The following VGLL4 variants were observed in gnomAD, a reference collection of about 807,000 sequenced individuals.
VGLL4 encodes the protein transcription cofactor vestigial-like protein 4.
Under a neutral mutation model 21.0 loss-of-function variants are expected in VGLL4, and 7 were observed. The ratio of observed to expected loss-of-function variants is 0.33; its 90% CI spans 0.19 to 0.63. VGLL4 has a LOEUF of 0.63. Ranked by LOEUF, VGLL4 falls within the 20% of genes least tolerant of loss-of-function variation. The pLI, the probability that VGLL4 is intolerant of heterozygous loss-of-function variation, is 0.78. For synonymous variants in VGLL4, 222 were observed against 173.2 expected, an observed-to-expected ratio of 1.28 and a Z score of -2.21; for missense variants, 394 against 425.7, an observed-to-expected ratio of 0.93 and a Z score of 0.66.
At chr3:11,623,898 G>A (rs552549590) in intron 1 of VGLL4, among the ~76,000 whole-genome samples, 3 of 151,482 alleles carry the variant, frequency 2.0e-5, no homozygotes, top group South Asian at 4.2e-4. Context: ...CCTCCACCAC[G>A]CTTGGTTAAT....
At chr3:11,674,840 G>T (rs1209179742) in intron 2 of VGLL4, among the ~76,000 whole-genome samples, 1 of 152,022 alleles carries the variant, frequency 6.6e-6, no homozygotes, top group African/African-American at 2.4e-5. Context: ...GGAGAAGAAA[G>T]TAATAAGGGG....
intron 1 of VGLL4, among the ~76,000 whole-genome samples, chr3:11,608,989 G>A (rs905255323): frequency 7.2e-5 from 11 of 152,096 alleles, no homozygotes; most frequent in Non-Finnish European, 1.5e-4. Flanking sequence ...AGCCTCCCGA[G>A]TGTAGCCGGG....
chr3:11,691,983 G>GAAAAA (rs36035876), intron 2 of VGLL4, among the ~76,000 whole-genome samples: 1 of 105,684 alleles, frequency 9.5e-6, no homozygotes, highest in Non-Finnish European at 1.8e-5. Flanking sequence ...TGCACCAAAT[G>GAAAAA]AAAAAAAAAA....
chr3:11,656,253 A>G (rs1166049964), intron 2 of VGLL4, among the ~76,000 whole-genome samples: 2 of 152,190 alleles, frequency 1.3e-5, no homozygotes, highest in African/African-American at 4.8e-5. Context: ...CTTCCCAAAT[A>G]TTAAAGTCCA....
At chr3:11,628,328 C>T (rs372880058) in intron 1 of VGLL4, among the ~76,000 whole-genome samples, 3 of 150,854 alleles carry the variant, frequency 2.0e-5, no homozygotes, top group South Asian at 2.1e-4. Flanking sequence ...GCAGAGGTTG[C>T]GGTAAACCGA....
intron 2 of VGLL4, among the ~76,000 whole-genome samples, chr3:11,656,037 TGAAG>T (rs2075952338): frequency 6.6e-6 from 1 of 152,128 alleles, no homozygotes; most frequent in Non-Finnish European, 1.5e-5. Flanking sequence ...AACTGAAGAA[TGAAG>T]GAAGTCAGGA....
chr3:11,558,855 C>G, intron 4 of VGLL4, 28 bp from the exon 5 acceptor site: 1 of 1,606,490 alleles, frequency 6.2e-7, no homozygotes, highest in Non-Finnish European at 8.5e-7. Flanking sequence ...GGCAGGCAGT[C>G]AGACACAGGT....
At chr3:11,671,032 C>CA (rs147868128) in intron 2 of VGLL4, among the ~76,000 whole-genome samples, 3 of 152,086 alleles carry the variant, frequency 2.0e-5, no homozygotes, top group Non-Finnish European at 4.4e-5. Context: ...GATTCCGTCT[C>CA]AAAAATAAAT....
chr3:11,604,004 A>G (rs1331008975), intron 1 of VGLL4, among the ~76,000 whole-genome samples: 1 of 152,148 alleles, frequency 6.6e-6, no homozygotes, highest in East Asian at 1.9e-4. Context: ...CAACGGATGC[A>G]GTGCTTATCT....
intron 1 of VGLL4, among the ~76,000 whole-genome samples, chr3:11,608,923 G>A (rs183668262): frequency 2.0e-5 from 3 of 152,150 alleles, no homozygotes; most frequent in South Asian, 2.1e-4. Context: ...GTGCAGTGGC[G>A]AGATCTTGGC....
At chr3:11,612,032 T>C (rs1191456827) in intron 1 of VGLL4, 1 of 152,072 alleles carries the variant, frequency 6.6e-6, no homozygotes, top group Non-Finnish European at 1.5e-5. Flanking sequence ...GCTATAATTT[T>C]ACAGGGGCTG....
intron 2 of VGLL4, among the ~76,000 whole-genome samples, chr3:11,573,127 T>C (rs1049762123): frequency 3.3e-5 from 5 of 150,474 alleles, no homozygotes; most frequent in African/African-American, 1.2e-4. Flanking sequence ...GATCGAGCCA[T>C]TGCACTCCAA....
intron 2 of VGLL4, among the ~76,000 whole-genome samples, chr3:11,588,227 A>G (rs2074404404): frequency 6.6e-6 from 1 of 152,250 alleles, no homozygotes; most frequent in South Asian, 2.1e-4. Flanking sequence ...ATAGTGCTAC[A>G]GACCTGAGCA....
intron 2 of VGLL4, among the ~76,000 whole-genome samples, chr3:11,587,409 C>T (rs2074386594): frequency 6.6e-6 from 1 of 152,206 alleles, no homozygotes; most frequent in Admixed American, 6.5e-5. Context: ...ACGTAACTTG[C>T]TCAAAAGCCA....
chr3:11,708,519 G>A (rs1164879599), intron 1 of VGLL4, among the ~76,000 whole-genome samples: 4 of 151,310 alleles, frequency 2.6e-5, no homozygotes, highest in Non-Finnish European at 5.9e-5. Flanking sequence ...GCAGCACAGG[G>A]CCAGGTCACG....
chr3:11,611,021 C>T (rs1204400861), intron 1 of VGLL4, among the ~76,000 whole-genome samples: 2 of 151,930 alleles, frequency 1.3e-5, no homozygotes, highest in East Asian at 3.9e-4. Flanking sequence ...AAGTAGAAAC[C>T]TGGGATTTAG....
In VGLL4 at chr3:11,643,431, A is replaced by G. The variant is rs1457813206; in HGVS notation, c.82+6T>C. 20 of 1,614,044 alleles carry G rather than the reference A, an allele frequency of 1.2e-5. No individual in the cohort carries two copies. The highest frequency in any genetic ancestry group is 1.7e-5 in the Non-Finnish European group (20 of 1,179,894). Reference sequence around the variant, plus strand: ...ACGGGCAGTAATTCTACAACGGGACATCTACCTTCGTAGCACAGAATGCCG... The same window carrying G: ...ACGGGCAGTAATTCTACAACGGGACGTCTACCTTCGTAGCACAGAATGCCG... On this transcript the variant is annotated splice_donor_region_variant and intron_variant, in intron 1 of 4. Transcript: ENST00000430365.
intron 2 of VGLL4, among the ~76,000 whole-genome samples, chr3:11,580,965 A>G (rs1293330353): frequency 6.6e-6 from 1 of 152,220 alleles, no homozygotes; most frequent in Non-Finnish European, 1.5e-5. Context: ...TAATGTTAAC[A>G]GCAATACATA....
intron 1 of VGLL4, among the ~76,000 whole-genome samples, chr3:11,639,881 A>G (rs2075657095): frequency 6.6e-6 from 1 of 150,380 alleles, no homozygotes; most frequent in Admixed American, 6.6e-5. Flanking sequence ...GTCTCAAAAG[A>G]AAAAAAAAAG....
Sources: gnomAD v4.1 joint callset for allele counts (sites outside exome capture counted in the v4.1 genomes callset) on GRCh38, gnomAD v4.1.1 for gene constraint, MANE v1.5 for transcripts, NCBI Gene and HGNC (gene_info 2026-07-23, HGNC 2026-07-21) for gene names.